Variants in ZC3H7B observed in about 807,000 individuals in gnomAD.
The protein encoded by ZC3H7B is zinc finger CCCH-type containing 7B, also known as zinc finger CCCH domain-containing protein 7B.
ZC3H7B carries 35 observed loss-of-function variants against 116.0 expected under a neutral mutation model. The observed-to-expected ratio is 0.30, with a 90% CI of 0.23 to 0.40. ZC3H7B has a LOEUF of 0.40. ZC3H7B is among the 10% of genes least tolerant of loss of function. The probability of loss-of-function intolerance (pLI) is 1.00; values close to 1 mark genes in which losing one functional copy is unlikely to be tolerated. For synonymous variants in ZC3H7B, 502 were observed against 545.6 expected, an observed-to-expected ratio of 0.92 and a Z score of 1.11; for missense variants, 1,011 against 1,321.5, an observed-to-expected ratio of 0.77 and a Z score of 3.64.
intron 6 of ZC3H7B, among the ~76,000 whole-genome samples, chr22:41,330,445 G>A (rs1456214532): frequency 6.6e-6 from 1 of 152,170 alleles, no homozygotes; most frequent in East Asian, 1.9e-4. Flanking sequence ...TTGAAGTGTT[G>A]GTATCTGTTT....
chr22:41,334,656 A>G (rs896982680), intron 7 of ZC3H7B: 3 of 152,338 alleles, frequency 2.0e-5, no homozygotes, highest in African/African-American at 2.4e-5. Flanking sequence ...ACATGTGCAC[A>G]TGCACAAACG....
In ZC3H7B at chr22:41,327,353, G is replaced by A. The variant is rs141522640; in HGVS notation, c.433G>A (p.Ala145Thr). 27 of 1,611,048 alleles carry A rather than the reference G, an allele frequency of 1.7e-5. No homozygotes were observed. Among genetic ancestry groups the A allele is most frequent in the East Asian group, 2.2e-5 (1 of 44,898 alleles). The change falls in exon 5 of 23, where the codon GCC (alanine) becomes ACC (threonine). Residue 145 changes from alanine (A) to threonine (T), a missense_variant. Physicochemically the swap from Ala to Thr is moderately conservative, Grantham distance 58. Around this residue, in one of 5 missense-constraint regions of ZC3H7B, gnomAD observed 322 missense variants for 443.9 expected, o/e 0.73. Transcript: ENST00000352645. This position sits in a 1 kb window ranked among gnomAD's most constrained non-coding sequence, Gnocchi z 4.5. Reference sequence around the variant, plus strand: ...CGAGTGCAGCAGCCGGTGTTCCCTCGCCCTGCCCCACGTGAGTGTGGCTCT... The same window carrying A: ...CGAGTGCAGCAGCCGGTGTTCCCTCACCCTGCCCCACGTGAGTGTGGCTCT... ...AYECSSRCSL[A>T]LPHDESVTQL...
intron 13 of ZC3H7B, among the ~76,000 whole-genome samples, chr22:41,344,791 C>T (rs1424870152): frequency 6.6e-6 from 1 of 152,146 alleles, no homozygotes; most frequent in Non-Finnish European, 1.5e-5. Flanking sequence ...GGCCCAGCCC[C>T]CAGAAATTTT....
rs1326121367 is a variant in ZC3H7B, at chr22:41,343,443, T to A, written c.1326T>A (p.Arg442=). 1.2e-6 allele frequency: 2 copies of A among 1,613,374 alleles called. No homozygotes were observed. The highest frequency in any genetic ancestry group is 1.7e-6 in the Non-Finnish European group (2 of 1,179,606). ...CCCGGGCTGGCGACTACACCTACCG[T>A]GAGGGCCTTGAGCACAAGTGCAAGC... ...TGPRAGDYTY[R]EGLEHKCKRD... The change falls in exon 13 of 23, where the codon CGT becomes CGA. Residue 442 remains arginine (R), a synonymous_variant. Transcript: ENST00000352645.
chr22:41,344,822 T>G (rs2036564386), intron 13 of ZC3H7B, among the ~76,000 whole-genome samples: 1 of 152,194 alleles, frequency 6.6e-6, no homozygotes, highest in Non-Finnish European at 1.5e-5. Flanking sequence ...GTTTTTGTTT[T>G]ATGAGACAGG....
chr22:41,322,499 T>C (rs2036270689), intron 2 of ZC3H7B, among the ~76,000 whole-genome samples: 1 of 151,698 alleles, frequency 6.6e-6, no homozygotes, highest in African/African-American at 2.4e-5. Context: ...CATTTGTTTT[T>C]GTTTTATTTC....
rs1601800039 is a variant in ZC3H7B, at chr22:41,356,867, G to A, written c.2681+59G>A. 2.6e-5 allele frequency: 41 copies of A among 1,604,122 alleles called. No homozygotes were observed. In the East Asian group the frequency reaches 2.7e-4, roughly 10 times the overall value. On this transcript the variant is annotated intron_variant, in intron 22 of 22. Coordinates refer to ENST00000352645, the MANE Select transcript of ZC3H7B (RefSeq NM_017590.6). ...GGGGTGGCCCGAGGAGATGGAGTCCGTGGCCAGCTCTGGCTCCTCTTGGCC... is the reference window on the plus strand; with the variant it reads ...GGGGTGGCCCGAGGAGATGGAGTCCATGGCCAGCTCTGGCTCCTCTTGGCC...
rs1453111624 is a variant in ZC3H7B at position 41,325,642 on chromosome 22, G to A, written c.87+45G>A. On this transcript the variant is annotated intron_variant, in intron 3 of 22. Transcript: ENST00000352645. ...CTGAGCAAAGGTGAAGGGCGGAGAT[G>A]TGCAGGGGAGAGGCGTGGGCCGGGT... 2.5e-6 allele frequency: 4 copies of A among 1,609,826 alleles called. No individual in the cohort carries two copies. In the African/African-American group the frequency reaches 4.0e-5, roughly 16 times the overall value.
chr22:41,355,473 C>T lies in ZC3H7B; in HGVS notation c.2039C>T (p.Ala680Val). The change falls in exon 18 of 23, where the codon GCT (alanine) becomes GTT (valine). Residue 680 changes from alanine to valine, a missense_variant. Physicochemically the swap from Ala to Val is moderately conservative, Grantham distance 64 (BLOSUM62 0). Coordinates refer to ENST00000352645, the MANE Select transcript of ZC3H7B (RefSeq NM_017590.6). ...CCCCTCCCCATCCCCCCACAGGGTG[C>T]TCCGAGGACACATGGGCCCAGCACC... ...HAGKASSSMG[A>V]PRTHGPSTFD... The T allele has an allele frequency of 6.2e-7, 1 of 1,613,950 alleles. No individual in the cohort carries two copies. The highest frequency in any genetic ancestry group is 1.1e-5 in the South Asian group (1 of 91,074).
In ZC3H7B at chr22:41,338,993, A is replaced by C; in HGVS notation, c.626-8A>C. 6.5e-7 allele frequency: 1 copy of C among 1,547,602 alleles called. No individual in the cohort carries two copies. Among genetic ancestry groups the C allele is most frequent in the Admixed American group, 1.8e-5 (1 of 54,306 alleles). ...CTCCCCTTCGGCTCTTGCCCACCCCATCCGCAGACTGCTACGTGGACCCTC... is the reference window on the plus strand; with the variant it reads ...CTCCCCTTCGGCTCTTGCCCACCCCCTCCGCAGACTGCTACGTGGACCCTC... On this transcript the variant is annotated splice_polypyrimidine_tract_variant and splice_region_variant and intron_variant, in intron 8 of 22. Coordinates refer to ENST00000352645, the MANE Select transcript of ZC3H7B (RefSeq NM_017590.6). The surrounding 1 kb of genome is among the most constrained non-coding windows in gnomAD (Gnocchi z 4.5).
rs375309616 is a variant in ZC3H7B at position 41,343,496 on chromosome 22, G to A, written c.1379G>A (p.Ser460Asn). 49 of 1,613,692 alleles carry A rather than the reference G, an allele frequency of 3.0e-5. No individual in the cohort carries two copies. Among genetic ancestry groups the A allele is most frequent in the Non-Finnish European group, 3.8e-5 (45 of 1,179,920 alleles). The change falls in exon 13 of 23, where the codon AGC (serine) becomes AAC (asparagine). Residue 460 changes from serine to asparagine, a missense_variant. By Grantham distance (46) the Ser-to-Asn change is conservative. This residue lies in a region of ZC3H7B where 179 missense variants were observed against 178.5 expected (regional missense o/e 1.00). Coordinates refer to ENST00000352645, the MANE Select transcript of ZC3H7B (RefSeq NM_017590.6). ...GACATCCTGCTCGGCCGGCTCCGGA[G>A]CTCGGAGGACCAGACCTGGAAGCGG... ...KRDILLGRLR[S>N]SEDQTWKRIR...
intron 2 of ZC3H7B, among the ~76,000 whole-genome samples, chr22:41,325,272 C>T (rs1183299234): frequency 6.6e-6 from 1 of 151,324 alleles, no homozygotes; most frequent in Non-Finnish European, 1.5e-5. Context: ...GGGGCTGTGG[C>T]TGGAAGTGGG....
chr22:41,314,591 A>T (rs1407142426), intron 1 of ZC3H7B, among the ~76,000 whole-genome samples: 2 of 149,256 alleles, frequency 1.3e-5, no homozygotes, highest in African/African-American at 4.9e-5. Flanking sequence ...GCGGCCCATA[A>T]TCATCATTAT....
intron 1 of ZC3H7B, among the ~76,000 whole-genome samples, chr22:41,305,268 C>G (rs751115662): frequency 1.3e-5 from 2 of 151,866 alleles, no homozygotes; most frequent in African/African-American, 4.8e-5. Context: ...TTGCTTGAAC[C>G]CAGGAGGCGG....
intron 5 of ZC3H7B, among the ~76,000 whole-genome samples, chr22:41,329,774 A>G (rs79692127): frequency 0.022 from 3,294 of 152,332 alleles, 50 homozygotes; most frequent in South Asian, 0.034. Context: ...ATATTAAAAT[A>G]AAAACAAAAT....
chr22:41,325,522 C>T (rs1418354851), intron 2 of ZC3H7B, 42 bp from the exon 3 acceptor site: 2 of 1,592,090 alleles, frequency 1.3e-6, no homozygotes, highest in Non-Finnish European at 1.7e-6. Flanking sequence ...GAAGCTGGGA[C>T]CGCCGGGCTC....
chr22:41,307,262 C>G lies in ZC3H7B; in HGVS notation c.-7+5490C>G, dbSNP rs951119620. On this transcript the variant is annotated intron_variant, in intron 1 of 22. Transcript: ENST00000352645. ...ACTGCTGGGATTATAGGCATGAGCCCGTGCTGGGCCTGAAGTCGGCTCCTT... is the reference window on the plus strand; with the variant it reads ...ACTGCTGGGATTATAGGCATGAGCCGGTGCTGGGCCTGAAGTCGGCTCCTT... Among the ~76,000 whole-genome samples, 6 of 152,144 alleles carry G rather than the reference C, an allele frequency of 3.9e-5. No individual in the cohort carries two copies. In the East Asian group the frequency reaches 9.6e-4, roughly 24 times the overall value.
rs917028411 is a variant in ZC3H7B at position 41,351,868 on chromosome 22, C to G, written c.2034+222C>G. 1.3e-5 allele frequency among the ~76,000 whole-genome samples: 2 copies of G among 152,006 alleles called. No individual in the cohort carries two copies. The highest frequency in any genetic ancestry group is 4.8e-5 in the African/African-American group (2 of 41,356). On this transcript the variant is annotated intron_variant, in intron 17 of 22. Coordinates refer to ENST00000352645, the MANE Select transcript of ZC3H7B (RefSeq NM_017590.6). This position sits in a 1 kb window ranked among gnomAD's most constrained non-coding sequence, Gnocchi z 5.1. ...GACAGGGTCTTGCTCTGTCACCCAG[C>G]CTGGAGTGCAGTGGTATGATCATGG...
At chr22:41,309,157 G>A (rs1196549499) in intron 1 of ZC3H7B, among the ~76,000 whole-genome samples, 4 of 151,746 alleles carry the variant, frequency 2.6e-5, no homozygotes, top group African/African-American at 4.8e-5. Flanking sequence ...GACTACAGGC[G>A]TGCGCCACCA....
Sources: allele counts gnomAD v4.1 joint callset (sites outside exome capture counted in the v4.1 genomes callset), GRCh38; gene constraint gnomAD v4.1.1; regional missense constraint gnomAD v4.1.1; non-coding constraint Gnocchi (gnomAD v3.1); transcripts MANE v1.5; gene names NCBI Gene and HGNC (gene_info 2026-07-23, HGNC 2026-07-21).